Variants in CFAP99 observed in about 807,000 individuals in gnomAD.
CFAP99 encodes the protein cilia- and flagella-associated protein 99.
A neutral mutation model predicts 82.7 loss-of-function variants in CFAP99; 84 were observed. The ratio of observed to expected loss-of-function variants is 1.02; its 90% CI spans 0.85 to 1.22. CFAP99 has a LOEUF of 1.22. Ranked by LOEUF, CFAP99 falls within the 50% of genes most tolerant of loss-of-function variation. The pLI is 0.00. For synonymous variants in CFAP99, 456 were observed against 429.5 expected (o/e 1.06, Z -0.76); for missense variants, 1,059 against 983.5 (o/e 1.08, Z -1.03).
In CFAP99 at chr4:2,437,607, C is replaced by T. The variant is rs144366509; in HGVS notation, c.257-463C>T. Among the ~76,000 whole-genome samples the T allele has an allele frequency of 3.4e-3, 512 of 152,276 alleles. 8 individuals carry two copies. Among genetic ancestry groups the T allele is most frequent in the African/African-American group, 0.012 (495 of 41,542 alleles). ...GGAGACTGAGCTGAGCAGCTGATGC[C>T]AGTCCTGAGCTAGGCTCCTGTCCCG... On this transcript the variant is annotated intron_variant, in intron 3 of 14. Transcript: ENST00000635017.
chr4:2,441,514 C>T (rs892472622), intron 4 of CFAP99, among the ~76,000 whole-genome samples: 2 of 152,176 alleles, frequency 1.3e-5, no homozygotes, highest in East Asian at 1.9e-4. Context: ...TCAGGGGCTG[C>T]TGCAGGGACT....
At chr4:2,459,043 C>T (rs1734507242) in intron 12 of CFAP99, 64 bp from the exon 13 acceptor site, 5 of 1,456,126 alleles carry the variant, frequency 3.4e-6, no homozygotes, top group Non-Finnish European at 4.5e-6. Context: ...GGGGGAGGTG[C>T]CTTCCTGTCC....
In CFAP99 at chr4:2,445,312, A is replaced by C; in HGVS notation, c.642+4A>C. ...GGTCGTGGCCAAGCCGAGACCCGTG[A>C]GTGTGGGCATTCTCAGCAGGCACTG... On this transcript the variant is annotated splice_donor_region_variant and intron_variant, in intron 6 of 14. Transcript: ENST00000635017. The C allele has an allele frequency of 7.5e-7, 1 of 1,333,132 alleles. No individual in the cohort carries two copies. Among genetic ancestry groups the C allele is most frequent in the Non-Finnish European group, 9.6e-7 (1 of 1,043,416 alleles). The allele number at this position is 1,333,132 out of a possible 1,614,324, so 82.6% of individuals were successfully genotyped here. A position where few individuals can be genotyped will look rare whatever the true frequency, so the allele number is the denominator to read the frequency against.
chr4:2,443,094 G>A, intron 4 of CFAP99, 36 bp from the exon 5 acceptor site: 6 of 1,233,230 alleles, frequency 4.9e-6, no homozygotes, highest in Non-Finnish European at 6.9e-6. Context: ...GTTGGGCCCA[G>A]GGCTCCGGCC....
At chr4:2,434,050 G>A (rs1053585483) in intron 2 of CFAP99, among the ~76,000 whole-genome samples, 2 of 152,188 alleles carry the variant, frequency 1.3e-5, no homozygotes, top group African/African-American at 4.8e-5. Flanking sequence ...TCCCCCAGCC[G>A]AAGGGCCAGG....
At chr4:2,458,782 G>A in exon 12 of CFAP99, 1 of 1,535,948 alleles carries the variant, frequency 6.5e-7, no homozygotes, top group South Asian at 1.2e-5. Context: ...GGTCCAGGAA[G>A]GAGCTGGTGG....
chr4:2,419,771 G>T (rs1276993244), intron 1 of CFAP99, among the ~76,000 whole-genome samples: 2 of 151,994 alleles, frequency 1.3e-5, no homozygotes, highest in South Asian at 2.1e-4. Context: ...TGGGGGTAGG[G>T]TCCATGTTTA....
intron 13 of CFAP99, among the ~76,000 whole-genome samples, chr4:2,459,482 A>G (rs75718314): frequency 2.0e-5 from 3 of 152,202 alleles, no homozygotes; most frequent in African/African-American, 4.8e-5. Flanking sequence ...CCAGTCCTCT[A>G]TAACTCCTGG....
Position 2,462,593 on chromosome 4 carries a change from C to T in CFAP99, c.1812C>T (p.Arg604=), listed in dbSNP as rs947958993. The T allele has an allele frequency of 2.1e-6, 3 of 1,422,154 alleles. No individual in the cohort carries two copies. The highest frequency in any genetic ancestry group is 1.8e-6 in the Non-Finnish European group (2 of 1,090,976). 88.1% of individuals were successfully genotyped at this position (1,422,154 alleles called of 1,614,324 possible). ...ACGTGTCGGCGCCGCGGACCGCGCGCCCCAAGCCCCGGGTGAGTCCGGATT... is the reference window on the plus strand; with the variant it reads ...ACGTGTCGGCGCCGCGGACCGCGCGTCCCAAGCCCCGGGTGAGTCCGGATT... Residue 604 remains arginine, a synonymous_variant, in exon 15 of 15, where the codon CGC becomes CGT. Coordinates refer to ENST00000635017, the Ensembl canonical transcript of CFAP99. This position sits in a 1 kb window ranked among gnomAD's most constrained non-coding sequence, Gnocchi z 4.1.
At chr4:2,432,026 G>A (rs1349451016) in intron 2 of CFAP99, among the ~76,000 whole-genome samples, 1 of 152,246 alleles carries the variant, frequency 6.6e-6, no homozygotes, top group African/African-American at 2.4e-5. Context: ...AAAAGCAGTA[G>A]CTTTAATCAA....
rs962445842 is a variant in CFAP99, at chr4:2,448,523, A to T, written c.643-1147A>T. Among the ~76,000 whole-genome samples, 27 of 152,348 alleles carry T rather than the reference A, an allele frequency of 1.8e-4. No individual in the cohort carries two copies. The highest frequency in any genetic ancestry group is 5.8e-4 in the East Asian group (3 of 5,190). ...CATTATCTCAGACAAAGGAGATAAG[A>T]CGTGTTGGAGCGGTTGTGATTCTGG... On this transcript the variant is annotated intron_variant, in intron 6 of 14. Transcript: ENST00000635017. The surrounding 1 kb of genome is among the most constrained non-coding windows in gnomAD (Gnocchi z 5.2).
At chr4:2,442,409 T>C (rs937480135) in intron 4 of CFAP99, among the ~76,000 whole-genome samples, 1 of 151,588 alleles carries the variant, frequency 6.6e-6, no homozygotes, top group African/African-American at 2.4e-5. Flanking sequence ...TTCCTCTGCA[T>C]GGAGAAGAGA....
At chr4:2,432,946 A>G (rs1271291008) in intron 2 of CFAP99, among the ~76,000 whole-genome samples, 5 of 152,156 alleles carry the variant, frequency 3.3e-5, no homozygotes, top group African/African-American at 1.2e-4. Context: ...GACCTGGTCC[A>G]GCACCCCTGA....
At chr4:2,421,148 A>G (rs1185188679) in intron 1 of CFAP99, among the ~76,000 whole-genome samples, 1 of 152,194 alleles carries the variant, frequency 6.6e-6, no homozygotes, top group East Asian at 1.9e-4. Context: ...CTTGGTAGCA[A>G]CCCTTAGGAG....
At position 2,462,526 on chromosome 4, in the gene CFAP99, C is replaced by T. The variant is rs1477824968; in HGVS notation, c.1745C>T (p.Ser582Leu). Residue 582 changes from serine to leucine, a missense_variant, in exon 15 of 15, where the codon TCG becomes TTG. Physicochemically the swap from Ser to Leu is moderately radical, Grantham distance 145. Coordinates refer to ENST00000635017, the Ensembl canonical transcript of CFAP99. The surrounding 1 kb of genome is among the most constrained non-coding windows in gnomAD (Gnocchi z 4.1). The stretch of plus-strand genomic sequence containing the variant: ...GTGCAGCAGCTGCGGCGCAGGATCT[C>T]GGAGAGGGCGGCCGAGCGCAGCAGG... The T allele has an allele frequency of 6.8e-7, 1 of 1,474,722 alleles. No individual in the cohort carries two copies. Among genetic ancestry groups the T allele is most frequent in the Non-Finnish European group, 8.9e-7 (1 of 1,121,328 alleles). The allele number at this position is 1,474,722 out of a possible 1,614,324, so 91.4% of individuals were successfully genotyped here.
rs770266050 is a variant in CFAP99 at position 2,459,267 on chromosome 4, G to A, written c.1455+9G>A. On this transcript the variant is annotated intron_variant, in intron 13 of 14. Transcript: ENST00000635017. Reference sequence around the variant, plus strand: ...TCGTGGACCTGACCCAGGTGAGGATGCAGTCCTGGACGGGCCCATGCCTCA... The same window carrying A: ...TCGTGGACCTGACCCAGGTGAGGATACAGTCCTGGACGGGCCCATGCCTCA... 29 of 1,529,824 alleles carry A rather than the reference G, an allele frequency of 1.9e-5. No individual in the cohort carries two copies. In the South Asian group the frequency reaches 2.9e-4, roughly 15 times the overall value. The allele number at this position is 1,529,824 out of a possible 1,614,324, so 94.8% of individuals were successfully genotyped here.
intron 4 of CFAP99, among the ~76,000 whole-genome samples, chr4:2,438,527 G>T (rs893056500): frequency 9.8e-5 from 15 of 152,288 alleles, no homozygotes; most frequent in African/African-American, 3.1e-4. Flanking sequence ...CTCCCAAAGT[G>T]CTGGGGTTAC....
intron 11 of CFAP99, among the ~76,000 whole-genome samples, chr4:2,457,525 C>G (rs1297102268): frequency 6.6e-6 from 1 of 152,182 alleles, no homozygotes; most frequent in Admixed American, 6.5e-5. Flanking sequence ...GCCCCTGGCC[C>G]CTGAGTGACG....
In CFAP99 at chr4:2,431,747, T is replaced by A. The variant is rs865826344; in HGVS notation, c.112-5127T>A. 1.2e-4 allele frequency among the ~76,000 whole-genome samples: 18 copies of A among 151,028 alleles called. No individual in the cohort carries two copies. The South Asian group carries it at 1.3e-3, about 11-fold the overall frequency. ...AGGTGGGAAAAGTCACTTTATTATT[T>A]TTTTTTTTTGAGACACTCCCTCACC... is the stretch of plus-strand genomic sequence containing the variant. On this transcript the variant is annotated intron_variant, in intron 2 of 14. Coordinates refer to ENST00000635017, the Ensembl canonical transcript of CFAP99.
Sources: allele counts gnomAD v4.1 joint callset (sites outside exome capture counted in the v4.1 genomes callset), GRCh38; gene constraint gnomAD v4.1.1; non-coding constraint Gnocchi (gnomAD v3.1); transcripts MANE v1.5; gene names NCBI Gene and HGNC (gene_info 2026-07-23, HGNC 2026-07-21).